The following KDM4C variants were observed in gnomAD, a reference collection of about 807,000 sequenced individuals.
KDM4C encodes lysine demethylase 4C, also known as lysine-specific demethylase 4C.
Under a neutral mutation model 129.3 loss-of-function variants are expected in KDM4C, and 81 were observed. That is an observed-to-expected ratio of 0.63 (90% CI 0.52 to 0.75). The LOEUF is 0.75. Ranked by LOEUF, KDM4C falls within the 30% of genes least tolerant of loss-of-function variation. The pLI is 0.00. For synonymous variants in KDM4C, 573 were observed against 456.1 expected (o/e 1.26, Z -3.26); for missense variants, 1,457 against 1,304.0 (o/e 1.12, Z -1.81).
intron 11 of KDM4C, 139 bp from the exon 12 acceptor site, chr9:6,990,277 G>A (rs2131908703): frequency 3.1e-6 from 2 of 647,308 alleles, no homozygotes; most frequent in Admixed American, 2.9e-5. Context: ...ATTTCTTAAA[G>A]GACTAGTTCC....
At chr9:6,983,777 T>C (rs1406835273) in intron 9 of KDM4C, among the ~76,000 whole-genome samples, 1 of 13,704 alleles carries the variant, frequency 7.3e-5, no homozygotes, top group Non-Finnish European at 1.6e-4. Context: ...CCTAACAGGA[T>C]ATTCTGATTT....
chr9:6,966,918 C>A (rs1391516496), intron 8 of KDM4C, among the ~76,000 whole-genome samples: 1 of 152,040 alleles, frequency 6.6e-6, no homozygotes, highest in Non-Finnish European at 1.5e-5. Context: ...ATGCAATAAT[C>A]ATAAAAAAAT....
chr9:7,045,858 A>G (rs978808040), intron 15 of KDM4C, among the ~76,000 whole-genome samples: 1 of 152,068 alleles, frequency 6.6e-6, no homozygotes. Context: ...AGTAAAAGCT[A>G]TGAAGTTTCA....
intron 15 of KDM4C, among the ~76,000 whole-genome samples, chr9:7,044,669 G>C (rs764427826): frequency 6.6e-6 from 1 of 151,934 alleles, no homozygotes; most frequent in Non-Finnish European, 1.5e-5. Context: ...TATGAGTTCA[G>C]TTTTGCATGT....
intron 1 of KDM4C, among the ~76,000 whole-genome samples, chr9:6,768,216 C>T (rs1034342891): frequency 1.3e-5 from 2 of 152,010 alleles, no homozygotes; most frequent in Non-Finnish European, 2.9e-5. Flanking sequence ...ATCTGAAATG[C>T]TTGTGTCTTC....
At chr9:6,759,438 G>C (rs565087638) in intron 1 of KDM4C, among the ~76,000 whole-genome samples, 4 of 152,230 alleles carry the variant, frequency 2.6e-5, no homozygotes, top group Admixed American at 6.5e-5. Flanking sequence ...ATTATCGCTT[G>C]CTTTCTTACC....
chr9:6,763,486 C>T (rs942450734), intron 1 of KDM4C, among the ~76,000 whole-genome samples: 3 of 152,140 alleles, frequency 2.0e-5, no homozygotes, highest in African/African-American at 7.2e-5. Flanking sequence ...TTGTGTATCT[C>T]TCTTCCCTCC....
intron 8 of KDM4C, among the ~76,000 whole-genome samples, chr9:6,913,688 C>G (rs550840375): frequency 3.3e-5 from 5 of 152,144 alleles, no homozygotes; most frequent in African/African-American, 4.8e-5. Flanking sequence ...ATCAGGAAAG[C>G]TAGCACATGG....
intron 17 of KDM4C, among the ~76,000 whole-genome samples, chr9:7,074,538 G>C (rs968484820): frequency 6.6e-6 from 1 of 152,040 alleles, no homozygotes; most frequent in Non-Finnish European, 1.5e-5. Flanking sequence ...AGAAAGTCAC[G>C]TATAAATGAT....
At chr9:7,024,895 T>C (rs527361096) in intron 15 of KDM4C, among the ~76,000 whole-genome samples, 1 of 152,332 alleles carries the variant, frequency 6.6e-6, no homozygotes, top group South Asian at 2.1e-4. Flanking sequence ...TCTAGATCCC[T>C]GAGGAATCGC....
At chr9:7,062,703 C>T (rs932124695) in intron 17 of KDM4C, among the ~76,000 whole-genome samples, 1 of 151,808 alleles carries the variant, frequency 6.6e-6, no homozygotes, top group Non-Finnish European at 1.5e-5. Context: ...TTTTCCCCAC[C>T]ATTTGAACTT....
At chr9:6,940,712 C>T (rs1000195017) in intron 8 of KDM4C, among the ~76,000 whole-genome samples, 2 of 152,108 alleles carry the variant, frequency 1.3e-5, no homozygotes, top group Admixed American at 6.5e-5. Context: ...ACCGAATATT[C>T]ATTTTTTACA....
chr9:7,136,090 A>G (rs1253759056), intron 19 of KDM4C, among the ~76,000 whole-genome samples: 2 of 152,254 alleles, frequency 1.3e-5, no homozygotes, highest in Admixed American at 6.5e-5. Flanking sequence ...AGAGATGTCA[A>G]CTGGGTTACT....
At chr9:7,170,843 C>T in intron 21 of KDM4C, 1 of 815,582 alleles carries the variant, frequency 1.2e-6, no homozygotes, top group Non-Finnish European at 1.5e-6. Context: ...CTTTTTGCAT[C>T]CCTGGGCCAT....
intron 18 of KDM4C, among the ~76,000 whole-genome samples, chr9:7,120,545 T>C (rs1839381312): frequency 6.6e-6 from 1 of 152,210 alleles, no homozygotes; most frequent in Non-Finnish European, 1.5e-5. Context: ...CAAAAAGACC[T>C]GATTAGTTTT....
intron 8 of KDM4C, among the ~76,000 whole-genome samples, chr9:6,947,419 C>G (rs1257144319): frequency 4.0e-5 from 6 of 151,878 alleles, no homozygotes; most frequent in Non-Finnish European, 7.4e-5. Context: ...TTCTTAATGC[C>G]TATAAGAAGA....
chr9:6,849,723 A>G, intron 5 of KDM4C, 23 bp downstream of exon 5: 1 of 1,521,830 alleles, frequency 6.6e-7, no homozygotes. Context: ...TTTAATATTC[A>G]TTTACTTTGG....
intron 17 of KDM4C, among the ~76,000 whole-genome samples, chr9:7,083,710 G>GGTGTGTGTGTGTGTGTGTGTGTGT (rs1257662179): frequency 1.5e-5 from 1 of 65,480 alleles, no homozygotes; most frequent in East Asian, 3.5e-4. Context: ...GCACATGACT[G>GGTGTGTGTGTGTGTGTGTGTGTGT]ATGTGTGTGT....
Position 7,020,342 on chromosome 9 carries a change from G to A in KDM4C, c.2259+4413G>A, listed in dbSNP as rs1382587028. Among the ~76,000 whole-genome samples, 6 of 152,224 alleles carry A rather than the reference G, an allele frequency of 3.9e-5. No individual in the cohort carries two copies. The East Asian group carries it at 5.8e-4, about 15-fold the overall frequency. ...TTCATAATTCCAATTAGATATCATC[G>A]CTTTGAGTCCCTGCCTTACCCTATT... On this transcript the variant is annotated intron_variant, in intron 15 of 21. Transcript: ENST00000381309.
Sources: gnomAD v4.1 joint callset for allele counts (sites outside exome capture counted in the v4.1 genomes callset) on GRCh38, gnomAD v4.1.1 for gene constraint, MANE v1.5 for transcripts, NCBI Gene and HGNC (gene_info 2026-07-23, HGNC 2026-07-21) for gene names.